P3H2: variants seen among roughly 807,000 people sequenced by gnomAD.
The protein encoded by P3H2 is prolyl 3-hydroxylase 2.
P3H2 carries 80 observed loss-of-function variants against 87.0 expected under a neutral mutation model. The observed-to-expected ratio is 0.92, with a 90% CI of 0.77 to 1.11. P3H2 has a LOEUF of 1.11. Among genes scored for constraint, P3H2 ranks in the 50% least tolerant of loss-of-function variants. The pLI is 0.00. For synonymous variants in P3H2, 367 were observed against 359.3 expected (o/e 1.02, Z -0.24); for missense variants, 1,001 against 923.9 (o/e 1.08, Z -1.08).
At chr3:189,983,302 A>G in intron 7 of P3H2, 162 bp from the exon 8 acceptor site, 3 of 608,614 alleles carry the variant, frequency 4.9e-6, no homozygotes, top group East Asian at 2.7e-5. Context: ...TGCCTCTAGT[A>G]AGTTCTCTAT....
intron 1 of P3H2, among the ~76,000 whole-genome samples, chr3:190,056,706 T>C (rs924205312): frequency 4.6e-5 from 7 of 152,200 alleles, no homozygotes; most frequent in African/African-American, 1.7e-4. Context: ...CAGTCAGAAA[T>C]GATGGAGACT....
chr3:190,019,785 A>AATATATATAT (rs1210566859), intron 1 of P3H2, among the ~76,000 whole-genome samples: 4 of 37,390 alleles, frequency 1.1e-4, no homozygotes, highest in African/African-American at 2.7e-4. Flanking sequence ...GAAATTAAAA[A>AATATATATAT]ATATATATAT....
chr3:190,012,485 GCTC>G (rs2108935457), intron 1 of P3H2, among the ~76,000 whole-genome samples: 1 of 152,194 alleles, frequency 6.6e-6, no homozygotes, highest in South Asian at 2.1e-4. Flanking sequence ...TGGTTTACCT[GCTC>G]AGACTTAAAT....
chr3:190,006,269 A>G (rs1724385555), intron 1 of P3H2, among the ~76,000 whole-genome samples: 1 of 152,226 alleles, frequency 6.6e-6, no homozygotes, highest in African/African-American at 2.4e-5. Context: ...GACTATTTAT[A>G]TCATATAGTC....
intron 1 of P3H2, among the ~76,000 whole-genome samples, chr3:190,013,942 A>G (rs1724673130): frequency 6.6e-6 from 1 of 152,170 alleles, no homozygotes; most frequent in South Asian, 2.1e-4. Context: ...TTTAAGTAGG[A>G]AAAAAGTAGG....
At chr3:190,034,632 G>A (rs915020747) in intron 1 of P3H2, among the ~76,000 whole-genome samples, 1 of 152,064 alleles carries the variant, frequency 6.6e-6, no homozygotes, top group Non-Finnish European at 1.5e-5. Context: ...GAAGGAGGGA[G>A]GGGTTGATTA....
chr3:190,097,089 G>A (rs1727611020), intron 1 of P3H2, among the ~76,000 whole-genome samples: 2 of 152,130 alleles, frequency 1.3e-5, no homozygotes, highest in African/African-American at 4.8e-5. Context: ...TTTCTCACAG[G>A]GCTCTCGTGA....
chr3:190,091,075 T>C (rs1469505906), intron 1 of P3H2, among the ~76,000 whole-genome samples: 1 of 152,244 alleles, frequency 6.6e-6, no homozygotes, highest in Non-Finnish European at 1.5e-5. Context: ...TAATGTTTGT[T>C]CTATAAATAA....
At chr3:189,986,947 G>C in intron 5 of P3H2, 70 bp from the exon 6 acceptor site, 1 of 1,030,094 alleles carries the variant, frequency 9.7e-7, no homozygotes. Context: ...TAAATGTTCA[G>C]GTGGCAATAT....
intron 6 of P3H2, among the ~76,000 whole-genome samples, chr3:189,986,165 T>C (rs369702133): frequency 8.4e-4 from 128 of 152,304 alleles, no homozygotes; most frequent in African/African-American, 3.0e-3. Context: ...ATCCGGAATT[T>C]AGGAAAATAA....
In P3H2 at chr3:190,035,094, T is replaced by C. The variant is rs758227002; in HGVS notation, c.481-39652A>G. Among the ~76,000 whole-genome samples, 73 of 152,126 alleles carry C rather than the reference T, an allele frequency of 4.8e-4. No individual in the cohort carries two copies. In the Middle Eastern group the frequency reaches 0.024, roughly 50 times the overall value. Reference sequence around the variant, plus strand: ...ACACTCCTGACCTCAAGTGATCTGCTTGCCTCAGCATCCTGAAGTGCTGAG... The same window carrying C: ...ACACTCCTGACCTCAAGTGATCTGCCTGCCTCAGCATCCTGAAGTGCTGAG... On this transcript the variant is annotated intron_variant, in intron 1 of 14. Transcript: ENST00000319332.
chr3:189,995,075 T>TA (rs1187998573), intron 2 of P3H2, among the ~76,000 whole-genome samples: 1 of 152,090 alleles, frequency 6.6e-6, no homozygotes, highest in African/African-American at 2.4e-5. Flanking sequence ...TTAGTTTTTT[T>TA]ATTTCAACTT....
rs1483533415 is a variant in P3H2 at position 190,019,764 on chromosome 3, G to A, written c.481-24322C>T. Among the ~76,000 whole-genome samples the A allele has an allele frequency of 1.7e-5, 2 of 116,682 alleles. 1 individual carries two copies. Among genetic ancestry groups the A allele is most frequent in the Non-Finnish European group, 3.6e-5 (2 of 55,612 alleles). The allele number at this position is 116,682 out of a possible 152,430, so 76.5% of individuals were successfully genotyped here. ...AGGAAGAAAAGGAAAAAATCCATGT[G>A]ACATTACCTAGAAATTAAAAAATAT... is the stretch of plus-strand genomic sequence containing the variant. On this transcript the variant is annotated intron_variant, in intron 1 of 14. Coordinates refer to ENST00000319332, the MANE Select transcript of P3H2 (RefSeq NM_018192.4).
intron 1 of P3H2, among the ~76,000 whole-genome samples, chr3:190,115,603 T>C (rs1221188736): frequency 6.6e-6 from 1 of 152,100 alleles, no homozygotes; most frequent in East Asian, 1.9e-4. Context: ...GAAGAAAAAG[T>C]GGGGTGGGAA....
chr3:189,978,319 A>G (rs986113339), intron 8 of P3H2, among the ~76,000 whole-genome samples: 1 of 152,226 alleles, frequency 6.6e-6, no homozygotes, highest in African/African-American at 2.4e-5. Flanking sequence ...GAAAATGTCT[A>G]CCAGTCTTAA....
At chr3:189,958,442 A>G (rs1290380916) in intron 14 of P3H2, among the ~76,000 whole-genome samples, 1 of 151,718 alleles carries the variant, frequency 6.6e-6, no homozygotes, top group Non-Finnish European at 1.5e-5. Context: ...ATTCTGTTCT[A>G]TCTGCTGTCT....
At chr3:190,066,513 A>G (rs1445209507) in intron 1 of P3H2, among the ~76,000 whole-genome samples, 2 of 152,094 alleles carry the variant, frequency 1.3e-5, no homozygotes, top group Non-Finnish European at 2.9e-5. Context: ...GGTAAGGGAT[A>G]AAAGACTACA....
chr3:190,118,208 C>T lies in P3H2; in HGVS notation c.480+2044G>A, dbSNP rs546548053. 2.0e-5 allele frequency among the ~76,000 whole-genome samples: 3 copies of T among 152,250 alleles called. No homozygotes were observed. The East Asian group carries it at 5.8e-4, about 30-fold the overall frequency. The stretch of plus-strand genomic sequence containing the variant: ...AGAATTCCAGAACCAGGGAAACCCA[C>T]ATATTGAGAGTTACCTCATGGTTAT... On this transcript the variant is annotated intron_variant, in intron 1 of 14. Coordinates refer to ENST00000319332, the MANE Select transcript of P3H2 (RefSeq NM_018192.4).
chr3:190,015,162 C>A (rs1560362942), intron 1 of P3H2, among the ~76,000 whole-genome samples: 1 of 152,066 alleles, frequency 6.6e-6, no homozygotes, highest in Non-Finnish European at 1.5e-5. Flanking sequence ...CAGGTGTGCA[C>A]CATCATGCTT....
Sources: allele counts gnomAD v4.1 joint callset (sites outside exome capture counted in the v4.1 genomes callset), GRCh38; gene constraint gnomAD v4.1.1; transcripts MANE v1.5; gene names NCBI Gene and HGNC (gene_info 2026-07-23, HGNC 2026-07-21).